ZNF836: variants seen among roughly 807,000 people sequenced by gnomAD.
The protein encoded by ZNF836 is zinc finger protein 836.
Under a neutral mutation model 7.4 loss-of-function variants are expected in ZNF836, and 12 were observed. The observed-to-expected ratio is 1.61, with a 90% CI of 1.03 to 2.61. The LOEUF is 2.61. Ranked by LOEUF, ZNF836 falls within the 30% of genes most tolerant of loss-of-function variation. The pLI is 0.00. For synonymous variants in ZNF836, 365 were observed against 382.6 expected, an observed-to-expected ratio of 0.95 and a Z score of 0.54; for missense variants, 998 against 1,126.2, an observed-to-expected ratio of 0.89 and a Z score of 1.63.
chr19:52,170,564 C>T (rs2089299731), intron 1 of ZNF836, among the ~76,000 whole-genome samples: 1 of 152,030 alleles, frequency 6.6e-6, no homozygotes, highest in African/African-American at 2.4e-5. Context: ...TCCTTTGCCG[C>T]CCCACTCTAT....
chr19:52,157,157 G>A lies in ZNF836; in HGVS notation c.526C>T (p.Leu176=), dbSNP rs1030955985. The change falls in exon 5 of 5, where the codon CTA becomes TTA. Residue 176 remains leucine, a synonymous_variant. Transcript: ENST00000682614. ...AGAATTCTTTGAAGTGGTGAAACTA[G>A]GGAACTGTTATTAACTGTCTTCTCA... ...QSEKTVNNSS[L]VSPLQRILPS... 1 of 1,613,102 alleles carries A rather than the reference G, an allele frequency of 6.2e-7. No individual in the cohort carries two copies. The highest frequency in any genetic ancestry group is 8.5e-7 in the Non-Finnish European group (1 of 1,179,456).
chr19:52,166,684 C>T (rs1371516319), intron 3 of ZNF836, among the ~76,000 whole-genome samples: 1 of 151,560 alleles, frequency 6.6e-6, no homozygotes, highest in Non-Finnish European at 1.5e-5. Context: ...TGCCATTCTC[C>T]TGCTTCAGCC....
intron 3 of ZNF836, among the ~76,000 whole-genome samples, chr19:52,166,657 T>C (rs1342545662): frequency 6.7e-6 from 1 of 148,918 alleles, no homozygotes; most frequent in African/African-American, 2.5e-5. Flanking sequence ...CACTGCAAGC[T>C]CCACCTCCTG....
chr19:52,170,537 C>A (rs1027676331), intron 1 of ZNF836, among the ~76,000 whole-genome samples: 16 of 152,062 alleles, frequency 1.1e-4, no homozygotes, highest in Non-Finnish European at 1.6e-4. Flanking sequence ...TCCCCACTGT[C>A]TGTCTGCAGT....
rs760569735 is a variant in ZNF836, at chr19:52,161,985, TC to T, written c.16-1395del. On this transcript the variant is annotated intron_variant, in intron 3 of 4. Transcript: ENST00000682614. This position sits in a 1 kb window ranked among gnomAD's most constrained non-coding sequence, Gnocchi z 4.1. ...GAAACAGGAAAGAAGGGGTAGCTGTTCCCATGTAAGGCTGAAACCCAACAGG... is the reference window on the plus strand; with the variant it reads ...GAAACAGGAAAGAAGGGGTAGCTGTTCCATGTAAGGCTGAAACCCAACAGG... Among the ~76,000 whole-genome samples, 2 of 152,176 alleles carry T rather than the reference TC, an allele frequency of 1.3e-5. No individual in the cohort carries two copies. The highest frequency in any genetic ancestry group is 1.5e-5 in the Non-Finnish European group (1 of 68,040).
intron 3 of ZNF836, among the ~76,000 whole-genome samples, chr19:52,164,869 C>A (rs536437220): frequency 6.6e-6 from 1 of 152,326 alleles, no homozygotes; most frequent in South Asian, 2.1e-4. Flanking sequence ...AAGCGGATGA[C>A]TTGAGTTCAG....
rs909606081 is a variant in ZNF836 at position 52,155,235 on chromosome 19, T to G, written c.2448A>C (p.Arg816Ser). The G allele has an allele frequency of 5.6e-6, 9 of 1,613,922 alleles. No homozygotes were observed. Among genetic ancestry groups the G allele is most frequent in the Non-Finnish European group, 6.8e-6 (8 of 1,179,922 alleles). ...GATGATTAACCAGAATTGAACGCAC[T>G]CTAAAGGCTTTGCCACACTCATTAC... ...YVCNECGKAF[R>S]VRSILVNHQK... The change falls in exon 5 of 5, where the codon AGA becomes AGC. Residue 816 changes from arginine (R) to serine (S), a missense_variant. Coordinates refer to ENST00000682614, the MANE Select transcript of ZNF836 (RefSeq NM_001102657.3).
intron 3 of ZNF836, among the ~76,000 whole-genome samples, chr19:52,163,235 TCCTTGTCAGAGGCCACTTGGCTACACC>T (rs2089229717): frequency 6.6e-6 from 1 of 152,198 alleles, no homozygotes; most frequent in Non-Finnish European, 1.5e-5. Flanking sequence ...CATACTAATC[TCCTTGTCAGAGGCCACTTGGCTACACC>T]CCTCTTGGTT....
Position 52,169,768 on chromosome 19 carries a change from G to A in ZNF836, c.-201C>T, listed in dbSNP as rs886732047. The A allele has an allele frequency of 8.2e-5, 12 of 146,064 alleles. No homozygotes were observed. Among genetic ancestry groups the A allele is most frequent in the East Asian group, 6.1e-4 (3 of 4,948 alleles). The allele number at this position is 146,064 out of a possible 1,614,324, so 9.0% of individuals were successfully genotyped here. On this transcript the variant is annotated 5_prime_UTR_variant, in exon 2 of 5. Coordinates refer to ENST00000682614, the MANE Select transcript of ZNF836 (RefSeq NM_001102657.3). ...AGATCATGGCACTGTACTCTAGTCTGACAGAGCAAGACCCTGTCTCAAAAA... is the reference window on the plus strand; with the variant it reads ...AGATCATGGCACTGTACTCTAGTCTAACAGAGCAAGACCCTGTCTCAAAAA...
chr19:52,157,656 C>T (rs1051565452), intron 4 of ZNF836, 116 bp from the exon 5 acceptor site: 10 of 997,516 alleles, frequency 1.0e-5, no homozygotes, highest in Non-Finnish European at 1.2e-5. Context: ...CTGTGACCTC[C>T]ACCTCCTGGG....
Position 52,154,806 on chromosome 19 carries a change from A to T in ZNF836, c.*66T>A, listed in dbSNP as rs2089135589. On this transcript the variant is annotated 3_prime_UTR_variant, in exon 5 of 5. Coordinates refer to ENST00000682614, the MANE Select transcript of ZNF836 (RefSeq NM_001102657.3). The stretch of plus-strand genomic sequence containing the variant: ...CCAGGCCCCACCTCCAATAAAGGGG[A>T]TTAAAATTCCACATGAGATTTCAGA... 7.2e-7 allele frequency: 1 copy of T among 1,379,610 alleles called. No homozygotes were observed. 85.5% of individuals were successfully genotyped at this position (1,379,610 alleles called of 1,614,324 possible).
At position 52,156,140 on chromosome 19, in the gene ZNF836, G is replaced by A. The variant is rs764509380; in HGVS notation, c.1543C>T (p.Arg515Ter). The A allele has an allele frequency of 3.7e-6, 6 of 1,613,790 alleles. No homozygotes were observed. In the African/African-American group the frequency reaches 5.3e-5, roughly 14 times the overall value. Residue 515 changes from arginine to a stop codon, truncating the protein, a stop_gained, in exon 5 of 5, where the codon CGA (arginine) becomes TGA (stop). Coordinates refer to ENST00000682614, the MANE Select transcript of ZNF836 (RefSeq NM_001102657.3). LOFTEE classifies it low-confidence loss of function (END_TRUNC). ...TCTCTGGTATGAATTATCTTATGTC[G>A]AGTGAGTAATGAGCCCTGTTTAAAG... ...KAFKQGSLLT[R>*]HKIIHTREKR...
At position 52,157,921 on chromosome 19, in the gene ZNF836, C is replaced by T. The variant is rs112693769; in HGVS notation, c.143-381G>A. Among the ~76,000 whole-genome samples, 322 of 152,024 alleles carry T rather than the reference C, an allele frequency of 2.1e-3. 1 individual carries two copies. The highest frequency in any genetic ancestry group is 2.3e-3 in the Non-Finnish European group (158 of 67,980). On this transcript the variant is annotated intron_variant, in intron 4 of 4. Coordinates refer to ENST00000682614, the MANE Select transcript of ZNF836 (RefSeq NM_001102657.3). ...TTATTTGTTTTTTTTTAAATAACTACTATTCATAAATATTTTATATTGAAA... is the reference window on the plus strand; with the variant it reads ...TTATTTGTTTTTTTTTAAATAACTATTATTCATAAATATTTTATATTGAAA...
rs775864106 is a variant in ZNF836 at position 52,157,401 on chromosome 19, A to C, written c.282T>G (p.Asn94Lys). The C allele has an allele frequency of 3.1e-6, 5 of 1,607,866 alleles. No individual in the cohort carries two copies. In the African/African-American group the frequency reaches 6.7e-5, roughly 22 times the overall value. Residue 94 changes from asparagine (N) to lysine (K), a missense_variant, in exon 5 of 5, where the codon AAT becomes AAG. Asn to Lys is a moderately conservative substitution (Grantham distance 94). Coordinates refer to ENST00000682614, the MANE Select transcript of ZNF836 (RefSeq NM_001102657.3). ...ENFYLREIQK[N>K]LQDLEFQWKD... ...TCCATTGAAACTCAAGGTCCTGTAG[A>C]TTTTTCTGGATTTCCCTTAAGTAAA...
rs776809526 is a variant in ZNF836, at chr19:52,155,696, C to T, written c.1987G>A (p.Glu663Lys). Residue 663 changes from glutamate to lysine, a missense_variant, in exon 5 of 5, where the codon GAG becomes AAG. Transcript: ENST00000682614. ...LARHRKIHTG[E>K]KPYKCNDCGK... is the part of the protein sequence containing the mutation. ...CAATCATTACATTTGTAAGGTTTCT[C>T]TCCGGTATGAATTTTCCGATGACGT... The T allele has an allele frequency of 2.5e-6, 4 of 1,614,170 alleles. No homozygotes were observed. In the South Asian group the frequency reaches 4.4e-5, roughly 18 times the overall value.
At position 52,156,064 on chromosome 19, in the gene ZNF836, C is replaced by T. The variant is rs765348400; in HGVS notation, c.1619G>A (p.Cys540Tyr). 1.2e-6 allele frequency: 2 copies of T among 1,614,016 alleles called. No individual in the cohort carries two copies. The highest frequency in any genetic ancestry group is 1.7e-6 in the Non-Finnish European group (2 of 1,179,902). ...ECGKVFSENS[C>Y]LVRHLRIHTG... ...ATGAATTCTTAAATGTCTTACAAGG[C>T]ATGAATTTTCACTAAAGACCTTTCC... Residue 540 changes from cysteine to tyrosine, a missense_variant, in exon 5 of 5, where the codon TGC (cysteine) becomes TAC (tyrosine). By Grantham distance (194) the Cys-to-Tyr change is radical. Coordinates refer to ENST00000682614, the MANE Select transcript of ZNF836 (RefSeq NM_001102657.3).
chr19:52,155,453 G>A lies in ZNF836; in HGVS notation c.2230C>T (p.His744Tyr). 6.2e-7 allele frequency: 1 copy of A among 1,614,044 alleles called. No homozygotes were observed. Among genetic ancestry groups the A allele is most frequent in the Non-Finnish European group, 8.5e-7 (1 of 1,179,960 alleles). The change falls in exon 5 of 5, where the codon CAT (histidine) becomes TAT (tyrosine). Residue 744 changes from histidine (H) to tyrosine (Y), a missense_variant. By Grantham distance (83) the His-to-Tyr change is moderately conservative (BLOSUM62 2). Transcript: ENST00000682614. ...ITGLTYHQRR[H>Y]TGEMPYKCIE... The stretch of plus-strand genomic sequence containing the variant: ...CATTTGTATGGCATCTCTCCAGTAT[G>A]CCTTCTCTGATGGTACGTCAGGCCT...
chr19:52,162,606 T>C (rs1258659719), intron 3 of ZNF836, among the ~76,000 whole-genome samples: 1 of 152,196 alleles, frequency 6.6e-6, no homozygotes, highest in African/African-American at 2.4e-5. Flanking sequence ...TTGCCTCTAG[T>C]GGACAAGGGC....
chr19:52,158,881 A>G lies in ZNF836; in HGVS notation c.143-1341T>C, dbSNP rs563374762. The stretch of plus-strand genomic sequence containing the variant: ...TGTTGGGGTCCTAATCCTCAATGTA[A>G]TATTACTTGGAGGTGTGAACTTTGG... On this transcript the variant is annotated intron_variant, in intron 4 of 4. Coordinates refer to ENST00000682614, the MANE Select transcript of ZNF836 (RefSeq NM_001102657.3). Among the ~76,000 whole-genome samples the G allele has an allele frequency of 2.0e-5, 3 of 152,302 alleles. No homozygotes were observed. In the South Asian group the frequency reaches 6.2e-4, roughly 32 times the overall value.
Sources: gnomAD v4.1 joint callset for allele counts (sites outside exome capture counted in the v4.1 genomes callset) on GRCh38, gnomAD v4.1.1 for gene constraint, Gnocchi (gnomAD v3.1) non-coding constraint, MANE v1.5 for transcripts, NCBI Gene and HGNC (gene_info 2026-07-23, HGNC 2026-07-21) for gene names.